ADGRV1: variants seen among roughly 807,000 people sequenced by gnomAD.
ADGRV1 encodes the protein adhesion G protein-coupled receptor V1, also known as G-protein coupled receptor 98.
In ADGRV1, 359 loss-of-function variants were observed where a neutral mutation model predicts 596.2. The observed-to-expected ratio is 0.60, with a 90% confidence interval of 0.55 to 0.66. The LOEUF (loss-of-function observed/expected upper bound fraction) is 0.66, where lower values mean the gene tolerates loss of function less well. ADGRV1 is among the 30% of genes least tolerant of loss of function. ADGRV1 has a pLI of 0.00. For missense variants in ADGRV1, 7,274 were observed against 7,575.6 expected, an observed-to-expected ratio of 0.96 and a Z score of 1.48; for synonymous variants, 2,681 against 2,679.2, an observed-to-expected ratio of 1.00 and a Z score of -0.02.
At chr5:90,717,391 T>A (rs1222822482) in intron 43 of ADGRV1, 6 of 139,720 alleles carry the variant, frequency 4.3e-5, no homozygotes, top group Non-Finnish European at 4.6e-5. Flanking sequence ...TAAAGTATAA[T>A]AAAAAAAAAA....
At chr5:90,618,965 A>G (rs990907076) in intron 3 of ADGRV1, 121 bp from the exon 4 acceptor site, 2 of 457,028 alleles carry the variant, frequency 4.4e-6, no homozygotes, top group Admixed American at 8.1e-5. Context: ...GTGCATTAAG[A>G]TTACATATGT....
chr5:90,644,635 C>A, intron 14 of ADGRV1, 71 bp from the exon 15 acceptor site: 1 of 1,204,136 alleles, frequency 8.3e-7, no homozygotes, highest in Non-Finnish European at 1.2e-6. Context: ...TTTATTTAAC[C>A]GATTTCTTTA....
intron 87 of ADGRV1, among the ~76,000 whole-genome samples, chr5:91,114,879 C>G (rs1487232181): frequency 6.6e-6 from 1 of 152,152 alleles, no homozygotes; most frequent in East Asian, 1.9e-4. Context: ...ATCGTGGCCC[C>G]TCAAGTCTTG....
chr5:90,806,454 T>C (rs1279457960), intron 72 of ADGRV1, among the ~76,000 whole-genome samples: 1 of 152,200 alleles, frequency 6.6e-6, no homozygotes, highest in Non-Finnish European at 1.5e-5. Flanking sequence ...TTCCTGTTTA[T>C]TTTCTAGCCC....
chr5:91,151,954 G>A (rs140993865), intron 88 of ADGRV1, among the ~76,000 whole-genome samples: 2,090 of 152,326 alleles, frequency 0.014, 43 homozygotes, highest in African/African-American at 0.045. Flanking sequence ...GAAACGAAGT[G>A]TCTTTGCTGT....
Position 90,622,706 on chromosome 5 carries a change from G to T in ADGRV1, c.558+5G>T, listed in dbSNP as rs766815254. 1 of 1,279,874 alleles carries T rather than the reference G, an allele frequency of 7.8e-7. No individual in the cohort carries two copies. Among genetic ancestry groups the T allele is most frequent in the South Asian group, 1.6e-5 (1 of 63,048 alleles). The allele number at this position is 1,279,874 out of a possible 1,614,324, so 79.3% of individuals were successfully genotyped here. ...ATGGTCATGGTGACTTTTGAGGTAA[G>T]TTTACTCTGAAGTCATTTTATTTTA... On this transcript the variant is annotated splice_donor_5th_base_variant and intron_variant, in intron 5 of 89. Coordinates refer to ENST00000405460, the MANE Select transcript of ADGRV1 (RefSeq NM_032119.4).
At chr5:91,082,641 T>C (rs1238477186) in intron 86 of ADGRV1, among the ~76,000 whole-genome samples, 1 of 152,204 alleles carries the variant, frequency 6.6e-6, no homozygotes, top group Non-Finnish European at 1.5e-5. Flanking sequence ...TCAGAAATAG[T>C]ATGTATAAAA....
At chr5:91,152,762 G>A (rs1796166280) in intron 88 of ADGRV1, among the ~76,000 whole-genome samples, 1 of 152,108 alleles carries the variant, frequency 6.6e-6, no homozygotes, top group African/African-American at 2.4e-5. Flanking sequence ...AAACTTCTGA[G>A]CTCAAGTGAG....
In ADGRV1 at chr5:90,725,626, A is replaced by G; in HGVS notation, c.10131A>G (p.Ala3377=). The G allele has an allele frequency of 6.4e-7, 1 of 1,574,778 alleles. No individual in the cohort carries two copies. The highest frequency in any genetic ancestry group is 1.7e-4 in the Middle Eastern group (1 of 5,916). The stretch of plus-strand genomic sequence containing the variant: ...ACAGCCAAGATTATTTAATCATTGC[A>G]AGTCAAAGAGATGATTCCGAATTAA... The part of the protein sequence containing the change: ...TSDSQDYLII[A]SQRDDSELTQ... Residue 3377 remains alanine (A), a synonymous_variant, in exon 48 of 90, where the codon GCA becomes GCG. Transcript: ENST00000405460.
At chr5:90,963,167 G>A (rs1438280056) in intron 83 of ADGRV1, among the ~76,000 whole-genome samples, 1 of 152,094 alleles carries the variant, frequency 6.6e-6, no homozygotes, top group Non-Finnish European at 1.5e-5. Flanking sequence ...AATTTATGAA[G>A]ACTTTATGGA....
At chr5:90,875,155 T>G (rs868460586) in intron 83 of ADGRV1, among the ~76,000 whole-genome samples, 1 of 152,184 alleles carries the variant, frequency 6.6e-6, no homozygotes. Flanking sequence ...ATTTCACCAC[T>G]GCACTCTAGC....
chr5:90,866,875 T>C (rs1010222138), intron 83 of ADGRV1, among the ~76,000 whole-genome samples: 9 of 152,152 alleles, frequency 5.9e-5, no homozygotes, highest in African/African-American at 9.6e-5. Flanking sequence ...TATCAAAAAA[T>C]GTACATATTT....
intron 85 of ADGRV1, among the ~76,000 whole-genome samples, chr5:91,050,025 G>A (rs941072459): frequency 1.3e-5 from 2 of 152,214 alleles, no homozygotes; most frequent in African/African-American, 4.8e-5. Context: ...GAGAATTCCA[G>A]ATGTCCTCCT....
intron 2 of ADGRV1, among the ~76,000 whole-genome samples, chr5:90,616,125 C>G (rs1763337673): frequency 6.6e-6 from 1 of 152,024 alleles, no homozygotes; most frequent in Non-Finnish European, 1.5e-5. Context: ...CCCTTCACAA[C>G]TTACTTGGAT....
At chr5:90,748,107 T>C (rs1183885234) in intron 52 of ADGRV1, among the ~76,000 whole-genome samples, 1 of 152,194 alleles carries the variant, frequency 6.6e-6, no homozygotes, top group African/African-American at 2.4e-5. Flanking sequence ...TGCTGCTCAT[T>C]GAGATATGGA....
intron 85 of ADGRV1, among the ~76,000 whole-genome samples, chr5:91,042,331 G>A (rs1312032013): frequency 1.3e-5 from 2 of 152,144 alleles, no homozygotes; most frequent in Non-Finnish European, 2.9e-5. Flanking sequence ...AAAAACAACA[G>A]CTTTCTTACA....
At chr5:91,141,100 A>T (rs2126845239) in intron 87 of ADGRV1, among the ~76,000 whole-genome samples, 1 of 152,118 alleles carries the variant, frequency 6.6e-6, no homozygotes, top group African/African-American at 2.4e-5. Context: ...GTATAAAAAG[A>T]AGAATACCTT....
chr5:90,917,311 G>A (rs1425218280), intron 83 of ADGRV1, among the ~76,000 whole-genome samples: 1 of 150,804 alleles, frequency 6.6e-6, no homozygotes, highest in Non-Finnish European at 1.5e-5. Flanking sequence ...GTAGTTCCCT[G>A]GAAGTAGAGA....
intron 83 of ADGRV1, among the ~76,000 whole-genome samples, chr5:90,954,227 G>GTGGGGGATGAAA (rs1299406327): frequency 1.1e-4 from 17 of 150,106 alleles, no homozygotes; most frequent in African/African-American, 4.2e-4. Context: ...GTGGGTGAGA[G>GTGGGGGATGAAA]TGGGGGATGA....
Sources: gnomAD v4.1 joint callset for allele counts (sites outside exome capture counted in the v4.1 genomes callset) on GRCh38, gnomAD v4.1.1 for gene constraint, MANE v1.5 for transcripts, NCBI Gene and HGNC (gene_info 2026-07-23, HGNC 2026-07-21) for gene names.